Variants in FBRSL1 observed in about 807,000 individuals in gnomAD.
FBRSL1 encodes fibrosin-1-like protein.
A neutral mutation model predicts 89.6 loss-of-function variants in FBRSL1; 51 were observed. The observed-to-expected ratio is 0.57, with a 90% CI of 0.45 to 0.72. The LOEUF is 0.72. FBRSL1 is among the 30% of genes least tolerant of loss of function. The pLI is 0.00. For synonymous variants in FBRSL1, 779 were observed against 681.1 expected (o/e 1.14, Z -2.24); for missense variants, 1,618 against 1,451.8 (o/e 1.11, Z -1.86).
At chr12:132,575,813 C>T (rs1405551186) in intron 14 of FBRSL1, among the ~76,000 whole-genome samples, 1 of 152,264 alleles carries the variant, frequency 6.6e-6, no homozygotes, top group Non-Finnish European at 1.5e-5. Context: ...TGAAACCACC[C>T]CAGTGCCAGA....
At chr12:132,525,550 C>T (rs1315198134) in intron 2 of FBRSL1, among the ~76,000 whole-genome samples, 184 bp from the exon 3 acceptor site, 5 of 152,196 alleles carry the variant, frequency 3.3e-5, no homozygotes, top group African/African-American at 7.2e-5. Flanking sequence ...CTGCTGCTCC[C>T]GCCCCCAGAC....
chr12:132,496,109 C>T (rs1193739106), intron 1 of FBRSL1, among the ~76,000 whole-genome samples: 2 of 152,258 alleles, frequency 1.3e-5, no homozygotes, highest in Non-Finnish European at 2.9e-5. Context: ...ACGTGCTGCG[C>T]ACCTTCGCGT....
rs114931993 is a variant in FBRSL1 at position 132,581,527 on chromosome 12, C to G, written c.1912+11C>G. ...CTGGCCCCCTGACAGGTGGGTGTCT[C>G]TGAATTCAGCCCACGCAGCCTGGCT... is the stretch of plus-strand genomic sequence containing the variant. On this transcript the variant is annotated intron_variant, in intron 16 of 18. Coordinates refer to ENST00000680143, the MANE Select transcript of FBRSL1 (RefSeq NM_001367871.1). The G allele has an allele frequency of 2.3e-3, 3,522 of 1,550,674 alleles. 62 individuals are homozygous for G. In the African/African-American group the frequency reaches 0.04, roughly 18 times the overall value.
chr12:132,517,749 A>G (rs2034974842), intron 2 of FBRSL1, among the ~76,000 whole-genome samples: 2 of 152,190 alleles, frequency 1.3e-5, no homozygotes, highest in African/African-American at 4.8e-5. Context: ...CTGGTCTCAT[A>G]CAGAGGGAAA....
intron 5 of FBRSL1, among the ~76,000 whole-genome samples, chr12:132,555,722 C>T (rs940241418): frequency 3.9e-5 from 6 of 152,338 alleles, no homozygotes; most frequent in Admixed American, 6.5e-5. Context: ...TGCCCCTGTC[C>T]GTCCTCACAT....
intron 2 of FBRSL1, chr12:132,510,568 C>T: frequency 8.1e-7 from 1 of 1,231,052 alleles, no homozygotes; most frequent in African/African-American, 1.5e-5. Flanking sequence ...GCCGGACTAG[C>T]CTGAGGCCTT....
intron 1 of FBRSL1, among the ~76,000 whole-genome samples, chr12:132,504,358 C>T (rs913931483): frequency 1.3e-5 from 2 of 152,206 alleles, no homozygotes; most frequent in Non-Finnish European, 2.9e-5. Flanking sequence ...ATTAAGAGAG[C>T]CAAAAGCAGT....
At chr12:132,541,167 C>G (rs543905409) in intron 4 of FBRSL1, among the ~76,000 whole-genome samples, 18 of 150,964 alleles carry the variant, frequency 1.2e-4, no homozygotes, top group African/African-American at 3.9e-4. Context: ...CTGGGGGGCA[C>G]AGCCTCCCAC....
intron 1 of FBRSL1, among the ~76,000 whole-genome samples, chr12:132,500,300 C>T (rs770589890): frequency 1.3e-5 from 2 of 152,192 alleles, no homozygotes; most frequent in Non-Finnish European, 2.9e-5. Context: ...TACACCCCCA[C>T]TGTGGGTGCT....
Position 132,567,585 on chromosome 12 carries a change from G to A in FBRSL1, c.691+59G>A, listed in dbSNP as rs377530399. 6.7e-5 allele frequency: 101 copies of A among 1,505,598 alleles called. No individual in the cohort carries two copies. In the Middle Eastern group the frequency reaches 6.8e-4, roughly 10 times the overall value. The allele number at this position is 1,505,598 out of a possible 1,614,324, so 93.3% of individuals were successfully genotyped here. A position where few individuals can be genotyped will look rare whatever the true frequency, so the allele number is the denominator to read the frequency against. ...TCTGAAGAGACACAATGCGCCCTGC[G>A]TCTTGGCGGCAGGACATCCCCCTGA... On this transcript the variant is annotated intron_variant, in intron 6 of 18. Coordinates refer to ENST00000680143, the MANE Select transcript of FBRSL1 (RefSeq NM_001367871.1).
chr12:132,583,784 G>A lies in FBRSL1; in HGVS notation c.*6G>A, dbSNP rs2040963956. On this transcript the variant is annotated 3_prime_UTR_variant, in exon 19 of 19. Coordinates refer to ENST00000680143, the MANE Select transcript of FBRSL1 (RefSeq NM_001367871.1). ...CGGAGGTGGAGGCGCGGTAGCCCCG[G>A]GGCCGCAGACGCCTCTCCGAGCGGA... The A allele has an allele frequency of 8.2e-6, 10 of 1,213,162 alleles. No homozygotes were observed. The highest frequency in any genetic ancestry group is 8.2e-6 in the Non-Finnish European group (8 of 975,572). 75.1% of individuals were successfully genotyped at this position (1,213,162 alleles called of 1,614,324 possible).
chr12:132,551,432 G>A (rs1481923448), intron 5 of FBRSL1: 2 of 456,338 alleles, frequency 4.4e-6, no homozygotes, highest in South Asian at 3.1e-5. Flanking sequence ...CCTGCCCGCA[G>A]AAGCGGATGC....
chr12:132,511,741 G>C (rs944237424), intron 2 of FBRSL1: 1 of 985,264 alleles, frequency 1.0e-6, no homozygotes. Flanking sequence ...CCAGCACCCC[G>C]CACTTGCTCA....
At chr12:132,572,761 C>T (rs1348308832) in intron 11 of FBRSL1, 139 bp downstream of exon 11, 3 of 677,172 alleles carry the variant, frequency 4.4e-6, no homozygotes, top group South Asian at 1.8e-5. Context: ...TGGGTGCTGG[C>T]GTGAGCAGCC....
chr12:132,575,748 G>C (rs1451310154), intron 14 of FBRSL1, among the ~76,000 whole-genome samples: 2 of 152,394 alleles, frequency 1.3e-5, no homozygotes, highest in Non-Finnish European at 2.9e-5. Context: ...GGTCTGCCCA[G>C]CCCTCACGCC....
At chr12:132,510,334 G>A (rs547308485) in intron 2 of FBRSL1, 1,162 of 1,230,488 alleles carry the variant, frequency 9.4e-4, no homozygotes, top group Non-Finnish European at 1.1e-3. Context: ...CGTCAGCCCC[G>A]GCTCTCGCTC....
At chr12:132,571,386 G>C (rs772995564) in intron 9 of FBRSL1, 155 bp downstream of exon 9, 3 of 1,550,698 alleles carry the variant, frequency 1.9e-6, no homozygotes, top group Non-Finnish European at 2.6e-6. Context: ...CCCTGGGCCC[G>C]GGGGCTCTGC....
intron 2 of FBRSL1, chr12:132,511,502 C>T (rs1224872430): frequency 2.0e-6 from 2 of 985,922 alleles, no homozygotes; most frequent in African/African-American, 3.5e-5. Context: ...ACGCCACTCG[C>T]CCAAAAGGGA....
In FBRSL1 at chr12:132,545,132, G is replaced by A. The variant is rs187195326; in HGVS notation, c.616-2871G>A. ...TGGGGCAGTGCGGCACAGAGCGGGCGTCTTCTTTGGAGCCTGAGTCTTGGC... is the reference window on the plus strand; with the variant it reads ...TGGGGCAGTGCGGCACAGAGCGGGCATCTTCTTTGGAGCCTGAGTCTTGGC... On this transcript the variant is annotated intron_variant, in intron 4 of 18. Coordinates refer to ENST00000680143, the MANE Select transcript of FBRSL1 (RefSeq NM_001367871.1). Among the ~76,000 whole-genome samples, 190 of 152,312 alleles carry A rather than the reference G, an allele frequency of 1.2e-3. 4 individuals carry two copies. In the South Asian group the frequency reaches 0.024, roughly 19 times the overall value.
Sources: allele counts gnomAD v4.1 joint callset (sites outside exome capture counted in the v4.1 genomes callset), GRCh38; gene constraint gnomAD v4.1.1; transcripts MANE v1.5; gene names NCBI Gene and HGNC (gene_info 2026-07-23, HGNC 2026-07-21).